Variants in TMIGD2 observed in about 807,000 individuals in gnomAD.
TMIGD2 encodes the protein transmembrane and immunoglobulin domain containing 2, also known as transmembrane and immunoglobulin domain-containing protein 2.
In TMIGD2, 18 loss-of-function variants were observed where a neutral mutation model predicts 22.6. The ratio of observed to expected loss-of-function variants is 0.80; its 90% CI spans 0.55 to 1.18. The LOEUF is 1.18. TMIGD2 is among the 50% of genes most tolerant of loss of function. TMIGD2 has a pLI of 0.00. For synonymous variants in TMIGD2, 184 were observed against 154.1 expected (o/e 1.19, Z -1.44); for missense variants, 361 against 378.2 (o/e 0.95, Z 0.38).
chr19:4,292,738 G>T, exon 5 of TMIGD2: 1 of 1,610,242 alleles, frequency 6.2e-7, no homozygotes, highest in African/African-American at 1.3e-5. Flanking sequence ...GGGTCTTGAC[G>T]CCAGGTGCGG....
intron 4 of TMIGD2, 143 bp from the exon 5 acceptor site, chr19:4,293,028 A>T: frequency 2.4e-6 from 3 of 1,265,058 alleles, no homozygotes; most frequent in Non-Finnish European, 3.3e-6. Flanking sequence ...CAGTGGCGCA[A>T]TCTCGGCTCA....
Position 4,293,540 on chromosome 19 carries a change from A to G in TMIGD2, c.563-655T>C, listed in dbSNP as rs567963739. Among the ~76,000 whole-genome samples, 796 of 148,392 alleles carry G rather than the reference A, an allele frequency of 5.4e-3. 9 individuals are homozygous for G. Among genetic ancestry groups the G allele is most frequent in the African/African-American group, 0.019 (761 of 40,190 alleles). ...CTCCCAAAATGCTGGGATTACATGC[A>G]TGAGCCACTGCACCCGGCCAATTTT... On this transcript the variant is annotated intron_variant, in intron 4 of 4. Transcript: ENST00000301272.
In TMIGD2 at chr19:4,294,690, G is replaced by C; in HGVS notation, c.449-10C>G. 6.3e-7 allele frequency: 1 copy of C among 1,583,348 alleles called. No homozygotes were observed. Among genetic ancestry groups the C allele is most frequent in the Admixed American group, 1.8e-5 (1 of 56,478 alleles). ...AGCACGAAGAGGAATCCTGGGTAGG[G>C]GGAGAAGAGATGGTCTAATCAGGAG... On this transcript the variant is annotated splice_polypyrimidine_tract_variant and intron_variant, in intron 3 of 4. Coordinates refer to ENST00000301272, the Ensembl canonical transcript of TMIGD2.
rs1251295704 is a variant in TMIGD2, at chr19:4,297,071, T to C, written c.406+915A>G. Among the ~76,000 whole-genome samples the C allele has an allele frequency of 4.6e-5, 6 of 131,064 alleles. No individual in the cohort carries two copies. The East Asian group carries it at 1.4e-3, about 30-fold the overall frequency. 86.0% of individuals were successfully genotyped at this position (131,064 alleles called of 152,430 possible). A position where few individuals can be genotyped will look rare whatever the true frequency, so the allele number is the denominator to read the frequency against. On this transcript the variant is annotated intron_variant, in intron 2 of 4. Coordinates refer to ENST00000301272, the Ensembl canonical transcript of TMIGD2. ...GGTTTCTTCCAACTTTGAGAGTCTG[T>C]GGCTTTTTTTTTTTTTTTTTTTTGA...
rs538543729 is a variant in TMIGD2, at chr19:4,292,691, C to T, written c.757G>A (p.Gly253Ser). 25 of 1,602,686 alleles carry T rather than the reference C, an allele frequency of 1.6e-5. No individual in the cohort carries two copies. Among genetic ancestry groups the T allele is most frequent in the Admixed American group, 1.1e-4 (6 of 56,602 alleles). ...ACCCTGACCATAGAGACGGGGTGGC[C>T]GGGCCTGGGGCTGGGGCAGGGTCTC... The change falls in exon 5 of 5, where the codon GGC (glycine) becomes AGC (serine). Residue 253 changes from glycine to serine, a missense_variant. Coordinates refer to ENST00000301272, the Ensembl canonical transcript of TMIGD2.
At chr19:4,294,657 C>T (rs747555223) in exon 4 of TMIGD2, 11 of 1,595,344 alleles carry the variant, frequency 6.9e-6, no homozygotes, top group Non-Finnish European at 8.5e-6. Flanking sequence ...ATGCTTCCCA[C>T]CCCCAGCAGC....
intron 2 of TMIGD2, among the ~76,000 whole-genome samples, chr19:4,296,167 C>T (rs537657877): frequency 1.3e-5 from 2 of 152,336 alleles, no homozygotes; most frequent in East Asian, 1.9e-4. Context: ...AATCCTCCCA[C>T]CTTGGCCTCC....
intron 1 of TMIGD2, among the ~76,000 whole-genome samples, chr19:4,300,605 C>T (rs1172858644): frequency 6.6e-6 from 1 of 152,190 alleles, no homozygotes; most frequent in African/African-American, 2.4e-5. Flanking sequence ...ATCCTCCCAC[C>T]TCAGCCTCCC....
Position 4,292,896 on chromosome 19 carries a change from TGACACA to T in TMIGD2, c.563-17_563-12del. ...TGTAGAATGCATTTCCTAGGATGGA[TGACACA>T]GACCAAGAGGATCACTTAAGAGAGT... On this transcript the variant is annotated splice_polypyrimidine_tract_variant and intron_variant, in intron 4 of 4. Transcript: ENST00000301272. The T allele has an allele frequency of 6.2e-7, 1 of 1,613,134 alleles. No homozygotes were observed. The highest frequency in any genetic ancestry group is 1.7e-4 in the Middle Eastern group (1 of 6,056).
chr19:4,294,507 T>C, intron 4 of TMIGD2, 72 bp downstream of exon 4: 1 of 1,444,866 alleles, frequency 6.9e-7, no homozygotes, highest in Non-Finnish European at 9.7e-7. Flanking sequence ...GGAGCACAGA[T>C]GCAGTGGGTC....
chr19:4,302,034 G>A (rs1236514081), intron 1 of TMIGD2, among the ~76,000 whole-genome samples: 4 of 152,152 alleles, frequency 2.6e-5, no homozygotes, highest in Admixed American at 6.6e-5. Context: ...TTCCCATTGC[G>A]GAAACAGAGA....
At chr19:4,301,571 G>A (rs976282722) in intron 1 of TMIGD2, among the ~76,000 whole-genome samples, 9 of 152,360 alleles carry the variant, frequency 5.9e-5, no homozygotes, top group African/African-American at 2.2e-4. Context: ...TCGGGAGCCT[G>A]AGGCAGGAGA....
rs149156193 is a variant in TMIGD2, at chr19:4,298,244, T to G, written c.148A>C (p.Thr50Pro). Residue 50 changes from threonine to proline, a missense_variant, in exon 2 of 5, where the codon ACA (threonine) becomes CCA (proline). Coordinates refer to ENST00000301272, the Ensembl canonical transcript of TMIGD2. ...TTAACACGGAGCCGTTCCCAGGCTG[T>G]GGCCTGGTCCACCTGGCAGACCAGG... 767 of 1,612,806 alleles carry G rather than the reference T, an allele frequency of 4.8e-4. 3 individuals carry two copies. The African/African-American group carries it at 9.4e-3, about 20-fold the overall frequency.
Sources: gnomAD v4.1 joint callset for allele counts (sites outside exome capture counted in the v4.1 genomes callset) on GRCh38, gnomAD v4.1.1 for gene constraint, MANE v1.5 for transcripts, NCBI Gene and HGNC (gene_info 2026-07-23, HGNC 2026-07-21) for gene names.